PTPRG: variants seen among roughly 807,000 people sequenced by gnomAD.
The protein encoded by PTPRG is receptor-type tyrosine-protein phosphatase gamma.
In PTPRG, 102 loss-of-function variants were observed where a neutral mutation model predicts 165.3. That is an observed-to-expected ratio of 0.62 (90% CI 0.53 to 0.73). PTPRG has a LOEUF of 0.73. PTPRG is among the 30% of genes least tolerant of loss of function. The pLI, the probability that PTPRG is intolerant of heterozygous loss-of-function variation, is 0.00. For synonymous variants in PTPRG, 675 were observed against 669.5 expected, an observed-to-expected ratio of 1.01 and a Z score of -0.13; for missense variants, 1,866 against 1,861.4, an observed-to-expected ratio of 1.00 and a Z score of -0.05.
intron 2 of PTPRG, among the ~76,000 whole-genome samples, chr3:61,859,042 G>A (rs1298217399): frequency 6.6e-6 from 1 of 152,100 alleles, no homozygotes; most frequent in African/African-American, 2.4e-5. Context: ...TATTTTTGTA[G>A]TTGTGTCTCT....
At chr3:61,597,278 G>A (rs1700725911) in intron 1 of PTPRG, among the ~76,000 whole-genome samples, 1 of 152,094 alleles carries the variant, frequency 6.6e-6, no homozygotes, top group African/African-American at 2.4e-5. Context: ...AGACCATACT[G>A]TATTATCCGC....
Position 61,720,727 on chromosome 3 carries a change from T to C in PTPRG, c.86-28151T>C, listed in dbSNP as rs1319210504. On this transcript the variant is annotated intron_variant, in intron 1 of 29. Transcript: ENST00000474889. ...CAAAGTACACATTGATTGAGTACAT[T>C]AAAATAATACTGGAAGAGAGACCTG... 3.3e-5 allele frequency among the ~76,000 whole-genome samples: 5 copies of C among 152,178 alleles called. No individual in the cohort carries two copies. In the East Asian group the frequency reaches 7.7e-4, roughly 23 times the overall value.
intron 2 of PTPRG, among the ~76,000 whole-genome samples, chr3:61,790,211 T>C (rs1575665294): frequency 6.6e-6 from 1 of 152,190 alleles, no homozygotes; most frequent in Non-Finnish European, 1.5e-5. Context: ...GGCTAGATGG[T>C]TTTTCTGTTA....
chr3:61,868,808 C>T (rs1387044610), intron 2 of PTPRG, among the ~76,000 whole-genome samples: 2 of 152,036 alleles, frequency 1.3e-5, no homozygotes. Context: ...TTTGGAACTC[C>T]TTTGGGCATT....
At chr3:62,053,232 G>A (rs909182373) in intron 4 of PTPRG, among the ~76,000 whole-genome samples, 1 of 148,700 alleles carries the variant, frequency 6.7e-6, no homozygotes, top group East Asian at 2.0e-4. Flanking sequence ...TAATTTGTTA[G>A]TGATTATCTG....
At chr3:61,595,167 A>C (rs1575525864) in intron 1 of PTPRG, among the ~76,000 whole-genome samples, 1 of 151,708 alleles carries the variant, frequency 6.6e-6, no homozygotes, top group African/African-American at 2.4e-5. Context: ...CCTGGACGAA[A>C]CCGAACAAGA....
At chr3:61,791,973 A>G (rs2034889807) in intron 2 of PTPRG, among the ~76,000 whole-genome samples, 1 of 152,212 alleles carries the variant, frequency 6.6e-6, no homozygotes, top group South Asian at 2.1e-4. Flanking sequence ...TGGAAGGCAG[A>G]AAAGTACATG....
chr3:61,713,923 CAA>C (rs2031689741), intron 1 of PTPRG, among the ~76,000 whole-genome samples: 1 of 152,072 alleles, frequency 6.6e-6, no homozygotes, highest in Admixed American at 6.6e-5. Context: ...TAATAATTAA[CAA>C]AGAGATTGCT....
Position 61,562,206 on chromosome 3 carries a change from T to G in PTPRG, c.-82T>G. 1 of 1,307,554 alleles carries G rather than the reference T, an allele frequency of 7.6e-7. No individual in the cohort carries two copies. The highest frequency in any genetic ancestry group is 1.1e-6 in the Non-Finnish European group (1 of 912,444). The allele number at this position is 1,307,554 out of a possible 1,614,324, so 81.0% of individuals were successfully genotyped here. On this transcript the variant is annotated 5_prime_UTR_variant, in exon 1 of 30. Transcript: ENST00000474889. ...GGCGAGCCGGGGAAGCGCCCCGGCT[T>G]AGCGGAGGCTCGCACGGAGGCAAGA...
chr3:62,097,647 T>C lies in PTPRG; in HGVS notation c.615+19389T>C, dbSNP rs184950819. On this transcript the variant is annotated intron_variant, in intron 5 of 29. Transcript: ENST00000474889. ...ATATGAAATAAACTCCAGTCTTTTG[T>C]ACCATCTGTATCTAGCATACTTATA... Among the ~76,000 whole-genome samples the C allele has an allele frequency of 3.9e-5, 6 of 152,350 alleles. No homozygotes were observed. The East Asian group carries it at 1.2e-3, about 29-fold the overall frequency.
intron 2 of PTPRG, among the ~76,000 whole-genome samples, chr3:61,792,710 T>G (rs1427569561): frequency 7.4e-6 from 1 of 135,616 alleles, no homozygotes; most frequent in Admixed American, 7.3e-5. Flanking sequence ...CTTTCTTTCT[T>G]TCTTTCTTTC....
Position 62,256,580 on chromosome 3 carries a change from G to C in PTPRG, c.2559+1365G>C, listed in dbSNP as rs549332495. 2.7e-3 allele frequency among the ~76,000 whole-genome samples: 405 copies of C among 152,274 alleles called. 2 individuals carry two copies. The highest frequency in any genetic ancestry group is 9.4e-3 in the African/African-American group (392 of 41,566). Reference sequence around the variant, plus strand: ...TAAGTCAAACATTTTGTATTCATGAGGACAGCAAATGTGTGTGGTGTTAAA... The same window carrying C: ...TAAGTCAAACATTTTGTATTCATGACGACAGCAAATGTGTGTGGTGTTAAA... On this transcript the variant is annotated intron_variant, in intron 16 of 29. Coordinates refer to ENST00000474889, the MANE Select transcript of PTPRG (RefSeq NM_002841.4).
intron 2 of PTPRG, among the ~76,000 whole-genome samples, chr3:61,934,231 A>G (rs539628094): frequency 2.0e-5 from 3 of 152,350 alleles, no homozygotes; most frequent in East Asian, 1.9e-4. Flanking sequence ...AAATGTATTA[A>G]TTAGAATCAC....
chr3:62,107,673 C>T lies in PTPRG; in HGVS notation c.616-24929C>T, dbSNP rs142354109. Among the ~76,000 whole-genome samples the T allele has an allele frequency of 1.8e-3, 278 of 152,310 alleles. 1 individual carries two copies. The highest frequency in any genetic ancestry group is 6.3e-3 in the African/African-American group (261 of 41,566). ...AAACACATATTTTGGTGTCTGAATACTGATATTCTCTTCTCAAACTGGAAA... is the reference window on the plus strand; with the variant it reads ...AAACACATATTTTGGTGTCTGAATATTGATATTCTCTTCTCAAACTGGAAA... On this transcript the variant is annotated intron_variant, in intron 5 of 29. Coordinates refer to ENST00000474889, the MANE Select transcript of PTPRG (RefSeq NM_002841.4).
rs867165732 is a variant in PTPRG at position 61,770,483 on chromosome 3, A to G, written c.190+21501A>G. On this transcript the variant is annotated intron_variant, in intron 2 of 29. Coordinates refer to ENST00000474889, the MANE Select transcript of PTPRG (RefSeq NM_002841.4). ...ATACGTTGGTGCAAAAGTAATTGCA[A>G]TCTTTTGCACCAACTTAATATATAC... 12 of 152,280 alleles carry G rather than the reference A, an allele frequency of 7.9e-5. 1 individual carries two copies. Among genetic ancestry groups the G allele is most frequent in the Admixed American group, 2.6e-4 (4 of 15,292 alleles). The allele number at this position is 152,280 out of a possible 1,614,324, so 9.4% of individuals were successfully genotyped here. A position where few individuals can be genotyped will look rare whatever the true frequency, so the allele number is the denominator to read the frequency against.
At chr3:61,569,274 C>G (rs1056242203) in intron 1 of PTPRG, among the ~76,000 whole-genome samples, 5 of 152,152 alleles carry the variant, frequency 3.3e-5, no homozygotes, top group Non-Finnish European at 5.9e-5. Context: ...AGCCAGCCTA[C>G]CTGTGCCATT....
chr3:62,135,892 G>T (rs1459822152), intron 6 of PTPRG, among the ~76,000 whole-genome samples: 2 of 152,184 alleles, frequency 1.3e-5, no homozygotes, highest in Non-Finnish European at 2.9e-5. Flanking sequence ...GGAGTCCTGT[G>T]TTGGCAGGAA....
chr3:62,081,365 A>G, intron 5 of PTPRG, among the ~76,000 whole-genome samples: 1 of 152,150 alleles, frequency 6.6e-6, no homozygotes, highest in East Asian at 1.9e-4. Flanking sequence ...ATTTATTTAG[A>G]TACAAATCTC....
intron 1 of PTPRG, among the ~76,000 whole-genome samples, chr3:61,735,124 A>T (rs768862790): frequency 3.9e-5 from 6 of 152,220 alleles, no homozygotes; most frequent in Non-Finnish European, 8.8e-5. Context: ...TCCTCATATA[A>T]TTAATTTAAG....
Sources: gnomAD v4.1 joint callset for allele counts (sites outside exome capture counted in the v4.1 genomes callset) on GRCh38, gnomAD v4.1.1 for gene constraint, MANE v1.5 for transcripts, NCBI Gene and HGNC (gene_info 2026-07-23, HGNC 2026-07-21) for gene names.